The following PLCE1 variants were observed in gnomAD, a reference collection of about 807,000 sequenced individuals.
PLCE1 encodes 1-phosphatidylinositol 4,5-bisphosphate phosphodiesterase epsilon-1.
Under a neutral mutation model 242.8 loss-of-function variants are expected in PLCE1, and 119 were observed. The ratio of observed to expected loss-of-function variants is 0.49; its 90% CI spans 0.42 to 0.57. The LOEUF (loss-of-function observed/expected upper bound fraction) is 0.57. PLCE1 is among the 20% of genes least tolerant of loss of function. The pLI, the probability that PLCE1 is intolerant of heterozygous loss-of-function variation, is 0.00. For synonymous variants in PLCE1, 945 were observed against 1,017.4 expected, an observed-to-expected ratio of 0.93 and a Z score of 1.35; for missense variants, 2,441 against 2,788.8, an observed-to-expected ratio of 0.88 and a Z score of 2.81.
At chr10:94,308,535 C>T in intron 26 of PLCE1, 46 bp from the exon 27 acceptor site, 1 of 1,308,428 alleles carries the variant, frequency 7.6e-7, no homozygotes, top group Non-Finnish European at 1.1e-6. Context: ...ATCTTCTTTT[C>T]AGTAGCCATG....
intron 2 of PLCE1, among the ~76,000 whole-genome samples, chr10:94,058,623 G>A (rs1048051632): frequency 2.6e-5 from 4 of 152,076 alleles, no homozygotes; most frequent in African/African-American, 9.7e-5. Flanking sequence ...AGAGTTGAGT[G>A]GGTCATCTAA....
chr10:94,206,262 C>T (rs2049155615), intron 4 of PLCE1, among the ~76,000 whole-genome samples: 1 of 152,098 alleles, frequency 6.6e-6, no homozygotes, highest in African/African-American at 2.4e-5. Flanking sequence ...TGCCAGTGCC[C>T]TGTGTAAAGC....
At chr10:94,230,548 C>G (rs1382400318) in intron 5 of PLCE1, among the ~76,000 whole-genome samples, 1 of 151,990 alleles carries the variant, frequency 6.6e-6, no homozygotes, top group Non-Finnish European at 1.5e-5. Flanking sequence ...TGATCTTTAA[C>G]TCCTGACCTC....
chr10:94,136,065 C>A (rs1258988340), intron 3 of PLCE1, among the ~76,000 whole-genome samples: 2 of 152,122 alleles, frequency 1.3e-5, no homozygotes, highest in Non-Finnish European at 2.9e-5. Flanking sequence ...AAAAGAATAA[C>A]CTCTTCCATA....
chr10:94,006,221 G>A (rs2061034234), intron 1 of PLCE1, among the ~76,000 whole-genome samples: 1 of 152,164 alleles, frequency 6.6e-6, no homozygotes, highest in South Asian at 2.1e-4. Flanking sequence ...TTACTTCATG[G>A]GGTTGTGATG....
intron 4 of PLCE1, among the ~76,000 whole-genome samples, chr10:94,205,999 G>A (rs2049146420): frequency 1.3e-5 from 2 of 152,218 alleles, no homozygotes; most frequent in Admixed American, 1.3e-4. Flanking sequence ...CCCACATGGA[G>A]CTTCCATTGC....
At chr10:94,311,578 T>G (rs2053388406) in intron 27 of PLCE1, among the ~76,000 whole-genome samples, 1 of 152,260 alleles carries the variant, frequency 6.6e-6, no homozygotes, top group Non-Finnish European at 1.5e-5. Flanking sequence ...TAGATCATCC[T>G]GGCCTTCTGC....
intron 29 of PLCE1, among the ~76,000 whole-genome samples, chr10:94,319,762 A>T (rs2053711625): frequency 6.6e-6 from 1 of 151,864 alleles, no homozygotes; most frequent in Non-Finnish European, 1.5e-5. Context: ...GTAAAAAGGG[A>T]TATAAGTGAG....
intron 3 of PLCE1, among the ~76,000 whole-genome samples, chr10:94,150,741 G>A (rs879906438): frequency 4.6e-5 from 7 of 152,136 alleles, no homozygotes; most frequent in African/African-American, 1.2e-4. Flanking sequence ...ATCTAAGCAA[G>A]GATTTGAACT....
chr10:94,211,563 C>T (rs533738028), intron 4 of PLCE1, among the ~76,000 whole-genome samples: 1 of 152,318 alleles, frequency 6.6e-6, no homozygotes, highest in South Asian at 2.1e-4. Flanking sequence ...GTAGTAGAAC[C>T]GCATAGCTAA....
intron 2 of PLCE1, among the ~76,000 whole-genome samples, chr10:94,041,477 G>A (rs952534475): frequency 6.6e-6 from 1 of 152,166 alleles, no homozygotes; most frequent in Non-Finnish European, 1.5e-5. Context: ...GGTCATGTTT[G>A]CATCTCCTTG....
intron 3 of PLCE1, among the ~76,000 whole-genome samples, chr10:94,168,482 T>C (rs781737804): frequency 1.3e-5 from 2 of 152,158 alleles, no homozygotes; most frequent in African/African-American, 2.4e-5. Flanking sequence ...TTCCTTTGAG[T>C]GTGATGTCAT....
chr10:94,272,295 T>C (rs1364619377), intron 18 of PLCE1, among the ~76,000 whole-genome samples: 2 of 152,144 alleles, frequency 1.3e-5, no homozygotes, highest in African/African-American at 2.4e-5. Flanking sequence ...AATATTATAT[T>C]CCTTGCTAGG....
intron 29 of PLCE1, among the ~76,000 whole-genome samples, chr10:94,319,347 T>C (rs895664739): frequency 2.0e-5 from 3 of 152,220 alleles, no homozygotes; most frequent in Non-Finnish European, 4.4e-5. Flanking sequence ...CAGTAATTAC[T>C]GAATGTAAGA....
In PLCE1 at chr10:94,252,318, G is replaced by A; in HGVS notation, c.3099G>A (p.Glu1033=). 1.2e-6 allele frequency: 2 copies of A among 1,613,990 alleles called. No individual in the cohort carries two copies. Among genetic ancestry groups the A allele is most frequent in the African/African-American group, 1.3e-5 (1 of 75,038 alleles). ...TTCACCATGTGGCTCTTTCACAGGA[G>A]GATGGACGGTATGAAGGCCCAACTT... ...LRKQYVSLYQ[E]DGRYEGPTLA... is the part of the protein sequence containing the mutation. Residue 1033 remains glutamate (E), a splice_region_variant and synonymous_variant, in exon 9 of 33, where the codon GAG becomes GAA. Transcript: ENST00000371380.
chr10:94,150,702 TTAA>T (rs1216125960), intron 3 of PLCE1, among the ~76,000 whole-genome samples: 27 of 152,274 alleles, frequency 1.8e-4, no homozygotes, highest in African/African-American at 6.5e-4. Flanking sequence ...TTCTGAGTGA[TTAA>T]TTAGAGGGTT....
chr10:94,023,403 T>C (rs1437618589), intron 1 of PLCE1, among the ~76,000 whole-genome samples: 2 of 152,212 alleles, frequency 1.3e-5, no homozygotes, highest in Non-Finnish European at 2.9e-5. Flanking sequence ...AAGTTGTAGA[T>C]CTGTGTGTGT....
chr10:94,071,801 C>T (rs184265484), intron 2 of PLCE1, among the ~76,000 whole-genome samples: 2 of 152,142 alleles, frequency 1.3e-5, no homozygotes, highest in African/African-American at 4.8e-5. Context: ...GCCTAGCCTT[C>T]CTATTTCTTT....
intron 10 of PLCE1, among the ~76,000 whole-genome samples, 197 bp downstream of exon 10, chr10:94,254,504 C>A (rs753952208): frequency 1.4e-4 from 21 of 152,116 alleles, no homozygotes; most frequent in Admixed American, 1.3e-4. Context: ...AATTAACTTG[C>A]CATTACTGAC....
Sources: gnomAD v4.1 joint callset for allele counts (sites outside exome capture counted in the v4.1 genomes callset) on GRCh38, gnomAD v4.1.1 for gene constraint, MANE v1.5 for transcripts, NCBI Gene and HGNC (gene_info 2026-07-23, HGNC 2026-07-21) for gene names.